The following CSMD1 variants were observed in gnomAD, a reference collection of about 807,000 sequenced individuals.
CSMD1 encodes the protein CUB and Sushi multiple domains 1.
CSMD1 carries 213 observed loss-of-function variants against 417.5 expected under a neutral mutation model. That is an observed-to-expected ratio of 0.51 (90% CI 0.46 to 0.57). CSMD1 has a LOEUF of 0.57. CSMD1 is among the 20% of genes least tolerant of loss of function. The probability of loss-of-function intolerance (pLI) is 0.00; values close to 1 mark genes in which losing one functional copy is unlikely to be tolerated. For missense variants in CSMD1, 6,923 were observed against 4,529.7 expected (o/e 1.53, Z -15.17); for synonymous variants, 2,862 against 1,736.8 (o/e 1.65, Z -16.11).
intron 3 of CSMD1, among the ~76,000 whole-genome samples, chr8:4,103,797 A>G (rs1478653303): frequency 6.6e-6 from 1 of 152,220 alleles, no homozygotes; most frequent in African/African-American, 2.4e-5. Context: ...ACAGAATGAC[A>G]GAAAGGGTAA....
intron 37 of CSMD1, among the ~76,000 whole-genome samples, chr8:3,165,879 A>C (rs893798724): frequency 1.3e-5 from 2 of 152,194 alleles, no homozygotes; most frequent in African/African-American, 4.8e-5. Context: ...AACCATCTAC[A>C]GAATGGCTCC....
chr8:4,465,708 G>C (rs1429024100), intron 2 of CSMD1, among the ~76,000 whole-genome samples: 1 of 152,148 alleles, frequency 6.6e-6, no homozygotes, highest in Admixed American at 6.5e-5. Context: ...GAAGAAGAAT[G>C]GTAGGAAAGG....
intron 23 of CSMD1, among the ~76,000 whole-genome samples, chr8:3,321,915 T>C (rs558406507): frequency 5.3e-5 from 8 of 152,340 alleles, no homozygotes; most frequent in African/African-American, 1.9e-4. Context: ...TAGGGGAATT[T>C]CAGAATGGAT....
At chr8:3,332,461 G>C (rs1006535250) in intron 23 of CSMD1, among the ~76,000 whole-genome samples, 1 of 152,224 alleles carries the variant, frequency 6.6e-6, no homozygotes, top group African/African-American at 2.4e-5. Flanking sequence ...GCTGCAGTGA[G>C]GCTGATGCTT....
intron 7 of CSMD1, among the ~76,000 whole-genome samples, chr8:3,686,140 G>A (rs1015186148): frequency 6.6e-6 from 1 of 152,008 alleles, no homozygotes; most frequent in African/African-American, 2.4e-5. Flanking sequence ...ACTGTCTATG[G>A]GACTATTAGG....
chr8:3,649,775 A>G (rs1436550912), intron 7 of CSMD1, among the ~76,000 whole-genome samples: 1 of 152,158 alleles, frequency 6.6e-6, no homozygotes, highest in Non-Finnish European at 1.5e-5. Flanking sequence ...TAATATTAAA[A>G]TCACTAATAC....
chr8:4,199,995 T>C (rs1362067124), intron 3 of CSMD1, among the ~76,000 whole-genome samples: 1 of 152,166 alleles, frequency 6.6e-6, no homozygotes, highest in Non-Finnish European at 1.5e-5. Context: ...CTATTAAAAG[T>C]TCAAGGGCCC....
At chr8:4,553,782 A>G (rs929817184) in intron 2 of CSMD1, among the ~76,000 whole-genome samples, 5 of 152,204 alleles carry the variant, frequency 3.3e-5, no homozygotes, top group African/African-American at 9.7e-5. Context: ...TAATCGTCCT[A>G]TGTCTGCCAT....
At chr8:4,789,307 C>A (rs10866978) in intron 1 of CSMD1, among the ~76,000 whole-genome samples, 137,102 of 152,218 alleles carry the variant, frequency 0.9, 62,937 homozygotes, top group East Asian at 1. Flanking sequence ...TGCACAACAC[C>A]ATCTGTGGTT....
At chr8:4,679,910 T>C (rs115523578) in intron 1 of CSMD1, among the ~76,000 whole-genome samples, 101 of 152,338 alleles carry the variant, frequency 6.6e-4, no homozygotes, top group African/African-American at 2.4e-3. Context: ...TAAAAATAGA[T>C]TGCTGTTTCC....
chr8:4,676,932 GATAT>G (rs1805723747), intron 1 of CSMD1, among the ~76,000 whole-genome samples: 2 of 145,938 alleles, frequency 1.4e-5, no homozygotes, highest in African/African-American at 2.5e-5. Context: ...AGAGAGAGAT[GATAT>G]ATATAGAGAA....
At chr8:4,276,934 C>T (rs541562548) in intron 3 of CSMD1, among the ~76,000 whole-genome samples, 1 of 152,034 alleles carries the variant, frequency 6.6e-6, no homozygotes. Context: ...TCAAAGTAGC[C>T]TGTGTATGTT....
chr8:3,722,507 G>A (rs7837801), intron 6 of CSMD1, among the ~76,000 whole-genome samples: 2 of 151,866 alleles, frequency 1.3e-5, no homozygotes, highest in African/African-American at 4.8e-5. Context: ...AGCAGGGTCT[G>A]TCTTACCTTT....
intron 5 of CSMD1, among the ~76,000 whole-genome samples, chr8:3,918,213 G>C (rs1177772011): frequency 2.0e-5 from 3 of 152,002 alleles, no homozygotes; most frequent in Non-Finnish European, 4.4e-5. Flanking sequence ...TAATTACCTG[G>C]AAGTGGGGAT....
chr8:4,135,846 A>G (rs1436440888), intron 3 of CSMD1, among the ~76,000 whole-genome samples: 1 of 152,124 alleles, frequency 6.6e-6, no homozygotes, highest in Non-Finnish European at 1.5e-5. Flanking sequence ...ACAAATTGGC[A>G]TTTTTTTAAA....
At chr8:4,900,371 C>A (rs192430630) in intron 1 of CSMD1, among the ~76,000 whole-genome samples, 94 of 152,234 alleles carry the variant, frequency 6.2e-4, no homozygotes, top group Middle Eastern at 3.4e-3. Flanking sequence ...TTGGAGCAAC[C>A]CTTGACGAAC....
At chr8:4,771,294 T>C (rs538974387) in intron 1 of CSMD1, among the ~76,000 whole-genome samples, 2 of 152,312 alleles carry the variant, frequency 1.3e-5, no homozygotes, top group Admixed American at 1.3e-4. Context: ...TTCTCTACCA[T>C]ATCTAATTGT....
chr8:3,868,201 G>A (rs1039708402), intron 5 of CSMD1, among the ~76,000 whole-genome samples: 2 of 149,400 alleles, frequency 1.3e-5, no homozygotes, highest in East Asian at 2.0e-4. Context: ...TGGATGTACT[G>A]CGCCTGTAGA....
intron 41 of CSMD1, among the ~76,000 whole-genome samples, chr8:3,137,738 AG>A (rs1241182747): frequency 1.3e-5 from 2 of 152,216 alleles, no homozygotes; most frequent in Non-Finnish European, 2.9e-5. Flanking sequence ...AACGATGATA[AG>A]AAAAAGAGTC....
Sources: gnomAD v4.1 joint callset for allele counts (sites outside exome capture counted in the v4.1 genomes callset) on GRCh38, gnomAD v4.1.1 for gene constraint, MANE v1.5 for transcripts, NCBI Gene and HGNC (gene_info 2026-07-23, HGNC 2026-07-21) for gene names.